The following ZNF320 variants were observed in gnomAD, a reference collection of about 807,000 sequenced individuals.
ZNF320 encodes zinc finger protein 320.
Under a neutral mutation model 6.8 loss-of-function variants are expected in ZNF320, and 2 were observed. The observed-to-expected ratio is 0.29, with a 90% CI of 0.12 to 0.93. The LOEUF (loss-of-function observed/expected upper bound fraction) is 0.93. ZNF320 is among the 40% of genes least tolerant of loss of function. ZNF320 has a pLI of 0.55. For synonymous variants in ZNF320, 208 were observed against 203.2 expected (o/e 1.02, Z -0.20); for missense variants, 472 against 611.0 (o/e 0.77, Z 2.40).
intron 5 of ZNF320, among the ~76,000 whole-genome samples, chr19:52,886,094 T>A (rs1241591645): frequency 6.8e-6 from 1 of 147,582 alleles, no homozygotes; most frequent in Non-Finnish European, 1.5e-5. Context: ...AAAGTTCTAC[T>A]GGAGAAGAAG....
intron 2 of ZNF320, 111 bp downstream of exon 2, chr19:52,893,668 C>T (rs1207370432): frequency 6.6e-6 from 1 of 152,172 alleles, no homozygotes; most frequent in Non-Finnish European, 1.5e-5. Context: ...TGGGCTTATC[C>T]ATTAATGCAC....
rs773618568 is a variant in ZNF320, at chr19:52,880,327, G to A, written c.*269C>T. ...CACATCACTGCACTCCAACGTGGGC[G>A]ACAGAGCAAGATTCCATCTTAAAAA... On this transcript the variant is annotated 3_prime_UTR_variant, in exon 6 of 6. Transcript: ENST00000682928. The A allele has an allele frequency of 1.7e-4, 55 of 322,440 alleles. No individual in the cohort carries two copies. Among genetic ancestry groups the A allele is most frequent in the Admixed American group, 2.7e-4 (6 of 21,998 alleles). The allele number at this position is 322,440 out of a possible 1,614,324, so 20.0% of individuals were successfully genotyped here. A position where few individuals can be genotyped will look rare whatever the true frequency, so the allele number is the denominator to read the frequency against.
intron 5 of ZNF320, among the ~76,000 whole-genome samples, chr19:52,870,620 TAC>T (rs2063664094): frequency 1.3e-5 from 2 of 152,058 alleles, no homozygotes; most frequent in Admixed American, 6.6e-5. Context: ...ATCATGCCAT[TAC>T]ACGTGTGGTG....
chr19:52,871,858 T>C (rs1334511107), downstream of ZNF320, among the ~76,000 whole-genome samples: 1 of 152,194 alleles, frequency 6.6e-6, no homozygotes, highest in Non-Finnish European at 1.5e-5. Flanking sequence ...GAGAATATTA[T>C]GGACCAGAGG....
At chr19:52,900,505 T>C (rs2064567896), upstream of ZNF320, among the ~76,000 whole-genome samples, 4 of 152,186 alleles carry the variant, frequency 2.6e-5, no homozygotes. Context: ...AAACATAACA[T>C]GAGGTGACTT....
intron 5 of ZNF320, chr19:52,865,465 ATATATT>A (rs1568692655): frequency 2.3e-5 from 1 of 43,126 alleles, no homozygotes; most frequent in Non-Finnish European, 5.5e-5. Context: ...ATACATATAT[ATATATT>A]ACATATATAT....
Position 52,881,212 on chromosome 19 carries a change from TC to T in ZNF320, c.913del (p.Glu305AsnfsTer176), listed in dbSNP as rs768354203. Reference sequence around the variant, plus strand: ...TCGTTGCTTAAAAACCTTGCCACATTCATTACACTTATAGGGTTTCTCTGCA... The same window carrying T: ...TCGTTGCTTAAAAACCTTGCCACATTATTACACTTATAGGGTTTCTCTGCA... ...HTAEKPYKCN[E>X]CGKVFKQRAT... On this transcript the variant is annotated frameshift_variant, in exon 6 of 6. Transcript: ENST00000682928. LOFTEE classifies it low-confidence loss of function (END_TRUNC). The T allele has an allele frequency of 1.2e-6, 2 of 1,614,096 alleles. No homozygotes were observed. The highest frequency in any genetic ancestry group is 2.7e-5 in the African/African-American group (2 of 74,928).
chr19:52,880,412 G>A lies in ZNF320; in HGVS notation c.*184C>T. 1.9e-6 allele frequency: 1 copy of A among 527,556 alleles called. No individual in the cohort carries two copies. The highest frequency in any genetic ancestry group is 3.3e-6 in the Non-Finnish European group (1 of 304,198). 32.7% of individuals were successfully genotyped at this position (527,556 alleles called of 1,614,324 possible). A position where few individuals can be genotyped will look rare whatever the true frequency, so the allele number is the denominator to read the frequency against. ...AAAGTGGCTCCCGTCTGTTGGCCAG[G>A]CTGGTCTCAAATTCATGACCTCAAG... is the stretch of plus-strand genomic sequence containing the variant. On this transcript the variant is annotated 3_prime_UTR_variant, in exon 6 of 6. Coordinates refer to ENST00000682928, the MANE Select transcript of ZNF320 (RefSeq NM_001351774.2).
chr19:52,894,025 T>C (rs1027670067), intron 1 of ZNF320, 169 bp from the exon 2 acceptor site: 11 of 152,068 alleles, frequency 7.2e-5, no homozygotes, highest in African/African-American at 2.7e-4. Flanking sequence ...GGGATAAAAA[T>C]ACAGTAACTA....
chr19:52,860,607 A>AAAAAG (rs1340739742), downstream of ZNF320, among the ~76,000 whole-genome samples: 23 of 151,916 alleles, frequency 1.5e-4, no homozygotes, highest in South Asian at 2.1e-3. Flanking sequence ...CAAAAAAAAA[A>AAAAAG]AAAGAAAAAG....
chr19:52,877,234 T>C lies in ZNF320; in HGVS notation c.*3362A>G, dbSNP rs1267475896. The C allele has an allele frequency of 6.6e-6, 1 of 152,190 alleles. No individual in the cohort carries two copies. Among genetic ancestry groups the C allele is most frequent in the Non-Finnish European group, 1.5e-5 (1 of 68,076 alleles). The allele number at this position is 152,190 out of a possible 1,614,324, so 9.4% of individuals were successfully genotyped here. On this transcript the variant is annotated 3_prime_UTR_variant, in exon 6 of 6. Coordinates refer to ENST00000682928, the MANE Select transcript of ZNF320 (RefSeq NM_001351774.2). ...CCATGGTGTTGAGGCTGCAGTTTGG[T>C]TTCACACATTTTACAGACACACGAG...
chr19:52,871,645 TG>T (rs2063682846), downstream of ZNF320, among the ~76,000 whole-genome samples: 2 of 152,180 alleles, frequency 1.3e-5, no homozygotes, highest in African/African-American at 4.8e-5. Flanking sequence ...CACAGAAATA[TG>T]TTCAAAATGT....
chr19:52,889,725 T>G (rs2064225999), intron 4 of ZNF320, among the ~76,000 whole-genome samples: 1 of 152,222 alleles, frequency 6.6e-6, no homozygotes, highest in Non-Finnish European at 1.5e-5. Flanking sequence ...ATGTATGAAG[T>G]TTCCATTCTA....
intron 5 of ZNF320, among the ~76,000 whole-genome samples, chr19:52,866,065 TTTATATATATGATTATACATATATTTA>T (rs2063560562): frequency 7.8e-6 from 1 of 127,960 alleles, no homozygotes; most frequent in African/African-American, 3.1e-5. Context: ...TATACATATA[TTTATATATATGATTATACATATATTTA>T]TATATGTATG....
chr19:52,882,031 T>C (rs766160221), intron 5 of ZNF320, 48 bp from the exon 6 acceptor site: 2 of 1,517,202 alleles, frequency 1.3e-6, no homozygotes, highest in Admixed American at 2.1e-5. Context: ...ACAGATGGTA[T>C]AAAACACTGA....
chr19:52,860,629 A>G (rs558569052), downstream of ZNF320, among the ~76,000 whole-genome samples: 7 of 151,968 alleles, frequency 4.6e-5, no homozygotes, highest in South Asian at 2.1e-4. Flanking sequence ...AAAAAAAGCT[A>G]TTCTTGGTAT....
In ZNF320 at chr19:52,881,165, T is replaced by C; in HGVS notation, c.961A>G (p.Arg321Gly). Reference sequence around the variant, plus strand: ...TAAGGTTTCTCTCCAGTGTGAACTCTACGATGTCCTGCAAGAGTTGCTCGT... The same window carrying C: ...TAAGGTTTCTCTCCAGTGTGAACTCCACGATGTCCTGCAAGAGTTGCTCGT... ...KQRATLAGHRRVHTGEKPYRC... is the reference protein window; with the variant it reads ...KQRATLAGHRGVHTGEKPYRC... The change falls in exon 6 of 6, where the codon AGA becomes GGA. Residue 321 changes from arginine to glycine, a missense_variant. Arg to Gly is a moderately radical substitution (Grantham distance 125, BLOSUM62 -2). Transcript: ENST00000682928. The C allele has an allele frequency of 6.2e-7, 1 of 1,614,180 alleles. No individual in the cohort carries two copies. Among genetic ancestry groups the C allele is most frequent in the Non-Finnish European group, 8.5e-7 (1 of 1,180,034 alleles).
At chr19:52,863,012 T>G (rs924005706) in exon 6 of ZNF320, 3 of 167,836 alleles carry the variant, frequency 1.8e-5, no homozygotes, top group African/African-American at 7.2e-5. Context: ...CACAAACAAG[T>G]TGAAAGCCAC....
chr19:52,873,075 T>C (rs1177174357), downstream of ZNF320, among the ~76,000 whole-genome samples: 1 of 152,148 alleles, frequency 6.6e-6, no homozygotes, highest in African/African-American at 2.4e-5. Flanking sequence ...TCTCAGTAAA[T>C]AGAATGTACA....
Sources: allele counts gnomAD v4.1 joint callset (sites outside exome capture counted in the v4.1 genomes callset), GRCh38; gene constraint gnomAD v4.1.1; transcripts MANE v1.5; gene names NCBI Gene and HGNC (gene_info 2026-07-23, HGNC 2026-07-21).